Variants in SOX5 observed in about 807,000 individuals in gnomAD.
SOX5 encodes the protein transcription factor SOX-5.
Under a neutral mutation model 92.0 loss-of-function variants are expected in SOX5, and 9 were observed. The observed-to-expected ratio is 0.10, with a 90% confidence interval of 0.06 to 0.17. SOX5 has a LOEUF of 0.17. Ranked by LOEUF, SOX5 falls within the 10% of genes least tolerant of loss-of-function variation. SOX5 has a pLI of 1.00. For synonymous variants in SOX5, 344 were observed against 336.3 expected, an observed-to-expected ratio of 1.02 and a Z score of -0.25; for missense variants, 642 against 944.5, an observed-to-expected ratio of 0.68 and a Z score of 4.20.
chr12:24,541,389 A>G (rs1030664317), intron 1 of SOX5, among the ~76,000 whole-genome samples: 3 of 152,234 alleles, frequency 2.0e-5, no homozygotes. Context: ...ACATTGCATC[A>G]TCATTCTAAG....
At chr12:23,567,772 A>G (rs1947401814) in intron 10 of SOX5, among the ~76,000 whole-genome samples, 1 of 152,006 alleles carries the variant, frequency 6.6e-6, no homozygotes, top group Admixed American at 6.6e-5. Context: ...TTGATGTTTT[A>G]TGCTTCAGTG....
intron 1 of SOX5, among the ~76,000 whole-genome samples, chr12:24,474,660 C>G (rs7316555): frequency 0.27 from 40,160 of 151,220 alleles, 6,481 homozygotes; most frequent in East Asian, 0.72. Flanking sequence ...CTCAGTCTCC[C>G]GGGTAGCTGG....
intron 8 of SOX5, among the ~76,000 whole-genome samples, chr12:23,611,924 T>TAA (rs71059910): frequency 2.1e-5 from 3 of 142,514 alleles, no homozygotes; most frequent in African/African-American, 5.1e-5. Flanking sequence ...CATTTTAAAT[T>TAA]AAAAAAAAAA....
intron 2 of SOX5, among the ~76,000 whole-genome samples, chr12:24,284,882 C>A (rs1035472507): frequency 6.6e-6 from 1 of 152,088 alleles, no homozygotes; most frequent in African/African-American, 2.4e-5. Flanking sequence ...CCCAGCACTT[C>A]GGGACGCTCA....
chr12:24,271,752 C>A (rs906536960), intron 3 of SOX5, among the ~76,000 whole-genome samples: 2 of 152,176 alleles, frequency 1.3e-5, no homozygotes, highest in African/African-American at 4.8e-5. Context: ...TAAAGGACTG[C>A]CCTTATTAGA....
At chr12:23,795,202 T>C (rs2095540999) in intron 3 of SOX5, among the ~76,000 whole-genome samples, 1 of 151,956 alleles carries the variant, frequency 6.6e-6, no homozygotes, top group Non-Finnish European at 1.5e-5. Context: ...TCAGTGTAGG[T>C]GGCACTGAAA....
intron 4 of SOX5, among the ~76,000 whole-genome samples, chr12:24,036,193 A>G (rs1320649783): frequency 2.0e-5 from 3 of 152,140 alleles, no homozygotes; most frequent in Non-Finnish European, 4.4e-5. Context: ...GACTTTCAGT[A>G]CTAATTTTTT....
intron 4 of SOX5, among the ~76,000 whole-genome samples, chr12:24,205,084 T>A (rs755689671): frequency 2.6e-5 from 4 of 152,126 alleles, no homozygotes; most frequent in Non-Finnish European, 4.4e-5. Context: ...ATCAAGAAGA[T>A]TTTGCAGTAA....
chr12:23,620,730 C>T (rs1342958973), intron 8 of SOX5, among the ~76,000 whole-genome samples: 8 of 152,096 alleles, frequency 5.3e-5, no homozygotes, highest in Non-Finnish European at 1.0e-4. Context: ...TTTTTACTTT[C>T]ATTGACTTTT....
At chr12:23,633,804 C>T (rs1157984478) in intron 8 of SOX5, among the ~76,000 whole-genome samples, 1 of 152,092 alleles carries the variant, frequency 6.6e-6, no homozygotes, top group African/African-American at 2.4e-5. Context: ...TTATATATGT[C>T]TATACACACA....
chr12:24,106,920 G>A (rs902674429), intron 4 of SOX5, among the ~76,000 whole-genome samples: 1 of 151,514 alleles, frequency 6.6e-6, no homozygotes, highest in African/African-American at 2.4e-5. Flanking sequence ...TGATTAGCTG[G>A]TTTCCAACAT....
At chr12:23,831,460 G>A (rs890469686) in intron 3 of SOX5, among the ~76,000 whole-genome samples, 6 of 151,982 alleles carry the variant, frequency 3.9e-5, no homozygotes, top group South Asian at 4.2e-4. Flanking sequence ...AGAGAGGGAC[G>A]GATGGGGGAA....
At chr12:24,490,717 G>A (rs1299668381) in intron 1 of SOX5, among the ~76,000 whole-genome samples, 1 of 152,108 alleles carries the variant, frequency 6.6e-6, no homozygotes, top group African/African-American at 2.4e-5. Flanking sequence ...GGAGGCACAT[G>A]AAGAGCTCCA....
chr12:24,528,169 C>T (rs762330147), intron 1 of SOX5, among the ~76,000 whole-genome samples: 13 of 152,178 alleles, frequency 8.5e-5, no homozygotes, highest in Non-Finnish European at 1.6e-4. Context: ...GAGGGGACAT[C>T]GCATAGTCAC....
intron 4 of SOX5, among the ~76,000 whole-genome samples, chr12:23,998,572 AG>A (rs1225763942): frequency 6.6e-6 from 1 of 152,120 alleles, no homozygotes; most frequent in African/African-American, 2.4e-5. Flanking sequence ...TGGGAGGCTG[AG>A]GCTGGTGGAT....
At position 24,396,425 on chromosome 12, in the gene SOX5, A is replaced by C. The variant is rs529418949; in HGVS notation, c.-250-27786T>G. 2.5e-4 allele frequency among the ~76,000 whole-genome samples: 38 copies of C among 152,354 alleles called. No individual in the cohort carries two copies. In the South Asian group the frequency reaches 3.7e-3, roughly 15 times the overall value. ...TTAGATTAAGCTCTTATTTTAGTAA[A>C]GGAGGCAATTGGAGCAGGCAGCTGA... On this transcript the variant is annotated intron_variant, in intron 1 of 4. Transcript: ENST00000446891.
rs778398594 is a variant in SOX5, at chr12:23,640,914, T to C, written c.932-17A>G. Reference sequence around the variant, plus strand: ...AAGGGTCACCTAAGTAAGAGAATAATAGAGGCGTCAGCACCTTTTATCTAC... The same window carrying C: ...AAGGGTCACCTAAGTAAGAGAATAACAGAGGCGTCAGCACCTTTTATCTAC... On this transcript the variant is annotated splice_polypyrimidine_tract_variant and intron_variant, in intron 7 of 14. Coordinates refer to ENST00000451604, the MANE Select transcript of SOX5 (RefSeq NM_006940.6). 6 of 1,556,462 alleles carry C rather than the reference T, an allele frequency of 3.9e-6. No homozygotes were observed. Among genetic ancestry groups the C allele is most frequent in the African/African-American group, 1.4e-5 (1 of 73,688 alleles).
chr12:23,635,479 G>A (rs1180156189), intron 8 of SOX5, among the ~76,000 whole-genome samples: 7 of 151,996 alleles, frequency 4.6e-5, no homozygotes, highest in Admixed American at 4.6e-4. Flanking sequence ...GAGAACACAT[G>A]GACACAGGAA....
At chr12:23,663,917 A>G (rs2083419399) in intron 7 of SOX5, among the ~76,000 whole-genome samples, 1 of 152,152 alleles carries the variant, frequency 6.6e-6, no homozygotes, top group Non-Finnish European at 1.5e-5. Context: ...ATAATATTAG[A>G]TGAATAAATT....
Sources: allele counts gnomAD v4.1 joint callset (sites outside exome capture counted in the v4.1 genomes callset), GRCh38; gene constraint gnomAD v4.1.1; transcripts MANE v1.5; gene names NCBI Gene and HGNC (gene_info 2026-07-23, HGNC 2026-07-21).